Variants in DYNC1LI1 observed in about 807,000 individuals in gnomAD.
The protein encoded by DYNC1LI1 is dynein cytoplasmic 1 light intermediate chain 1, also known as cytoplasmic dynein 1 light intermediate chain 1.
DYNC1LI1 carries 19 observed loss-of-function variants against 63.8 expected under a neutral mutation model. That is an observed-to-expected ratio of 0.30 (90% CI 0.21 to 0.44). The LOEUF is 0.44. Ranked by LOEUF, DYNC1LI1 falls within the 20% of genes least tolerant of loss-of-function variation. DYNC1LI1 has a pLI of 1.00. For synonymous variants in DYNC1LI1, 225 were observed against 232.3 expected (o/e 0.97, Z 0.28); for missense variants, 565 against 630.2 (o/e 0.90, Z 1.11).
chr3:32,539,553 A>T (rs970353195), intron 5 of DYNC1LI1, among the ~76,000 whole-genome samples: 6 of 151,826 alleles, frequency 4.0e-5, no homozygotes, highest in Middle Eastern at 3.4e-3. Flanking sequence ...TATTATTATT[A>T]TTTTGAGATG....
At chr3:32,564,348 AACAC>A (rs898835588) in intron 2 of DYNC1LI1, among the ~76,000 whole-genome samples, 2 of 152,152 alleles carry the variant, frequency 1.3e-5, no homozygotes, top group African/African-American at 4.8e-5. Context: ...CAAACAAACA[AACAC>A]AGAGGTTCAC....
At position 32,526,095 on chromosome 3, in the gene DYNC1LI1, A is replaced by G. The variant is rs975405744; in HGVS notation, c.*704T>C. The G allele has an allele frequency of 3.3e-5, 5 of 152,442 alleles. No individual in the cohort carries two copies. The highest frequency in any genetic ancestry group is 9.7e-5 in the African/African-American group (4 of 41,424). 9.4% of individuals were successfully genotyped at this position (152,442 alleles called of 1,614,324 possible). ...TATATATATATGTATAGACAAATCC[A>G]AAGATTGTTACTTCTTTACATTTTA... On this transcript the variant is annotated 3_prime_UTR_variant, in exon 13 of 13. Transcript: ENST00000273130.
At chr3:32,530,174 CAA>C (rs1313093034) in intron 10 of DYNC1LI1, 108 bp downstream of exon 10, 5 of 887,760 alleles carry the variant, frequency 5.6e-6, no homozygotes, top group African/African-American at 1.7e-5. Context: ...ATTCTGAATT[CAA>C]GTTTATATCA....
intron 7 of DYNC1LI1, 21 bp downstream of exon 7, chr3:32,534,490 T>C: frequency 6.6e-7 from 1 of 1,508,874 alleles, no homozygotes; most frequent in East Asian, 2.3e-5. Context: ...GATAAAATTA[T>C]ATATTTAAGA....
At chr3:32,557,290 T>C (rs550087193) in intron 2 of DYNC1LI1, among the ~76,000 whole-genome samples, 9 of 152,020 alleles carry the variant, frequency 5.9e-5, no homozygotes, top group African/African-American at 2.2e-4. Context: ...CTGAGGTGGG[T>C]GGATCACCTG....
intron 2 of DYNC1LI1, among the ~76,000 whole-genome samples, chr3:32,556,193 C>CCT (rs1333457352): frequency 2.0e-5 from 3 of 152,208 alleles, no homozygotes; most frequent in Non-Finnish European, 4.4e-5. Context: ...CTTCCCTTCC[C>CCT]CTCACCTGGG....
intron 7 of DYNC1LI1, among the ~76,000 whole-genome samples, chr3:32,533,409 A>T (rs183116713): frequency 6.6e-6 from 1 of 152,172 alleles, no homozygotes; most frequent in Non-Finnish European, 1.5e-5. Context: ...CCTGGGAGGC[A>T]GGAGCTGAAG....
intron 5 of DYNC1LI1, 125 bp downstream of exon 5, chr3:32,540,905 AAACTATT>A: frequency 1.7e-6 from 1 of 576,764 alleles, no homozygotes; most frequent in Non-Finnish European, 2.9e-6. Flanking sequence ...TAAATACTTT[AAACTATT>A]ATTTGTTTGT....
chr3:32,569,293 G>A (rs890917755), intron 2 of DYNC1LI1, among the ~76,000 whole-genome samples: 1 of 152,152 alleles, frequency 6.6e-6, no homozygotes, highest in African/African-American at 2.4e-5. Context: ...TTTTCAACTA[G>A]CTCCATGTAG....
At chr3:32,555,834 C>A (rs927977076) in intron 2 of DYNC1LI1, among the ~76,000 whole-genome samples, 2 of 152,182 alleles carry the variant, frequency 1.3e-5, no homozygotes, top group Non-Finnish European at 2.9e-5. Context: ...GAGAGCAGGA[C>A]ACATGTGATA....
chr3:32,533,836 T>G (rs573513216), intron 7 of DYNC1LI1, among the ~76,000 whole-genome samples: 1 of 150,200 alleles, frequency 6.7e-6, no homozygotes, highest in East Asian at 2.0e-4. Context: ...TGCTGGGATT[T>G]TAGGCATGAG....
intron 2 of DYNC1LI1, among the ~76,000 whole-genome samples, chr3:32,568,780 C>T (rs939335981): frequency 6.6e-6 from 1 of 152,142 alleles, no homozygotes; most frequent in East Asian, 1.9e-4. Flanking sequence ...CTTACCTTTA[C>T]CATGACAGTG....
In DYNC1LI1 at chr3:32,570,331, G is replaced by A. The variant is rs1480282334; in HGVS notation, c.220+15C>T. 3.4e-5 allele frequency: 54 copies of A among 1,585,850 alleles called. No individual in the cohort carries two copies. Among genetic ancestry groups the A allele is most frequent in the Non-Finnish European group, 4.3e-5 (50 of 1,165,078 alleles). On this transcript the variant is annotated intron_variant, in intron 2 of 12. Coordinates refer to ENST00000273130, the MANE Select transcript of DYNC1LI1 (RefSeq NM_016141.4). Reference sequence around the variant, plus strand: ...TGGGGGCCGGGCGGGGCGGGGCGAGGCAGGGAACACTTACCCAGCAGTAGC... The same window carrying A: ...TGGGGGCCGGGCGGGGCGGGGCGAGACAGGGAACACTTACCCAGCAGTAGC...
intron 5 of DYNC1LI1, among the ~76,000 whole-genome samples, chr3:32,537,830 A>C (rs1181622291): frequency 2.3e-5 from 3 of 129,542 alleles, no homozygotes; most frequent in Non-Finnish European, 4.7e-5. Flanking sequence ...ATTACACCTA[A>C]TATTAGTTTG....
At chr3:32,540,041 A>AT (rs996371503) in intron 5 of DYNC1LI1, among the ~76,000 whole-genome samples, 24 of 137,772 alleles carry the variant, frequency 1.7e-4, no homozygotes, top group Non-Finnish European at 2.4e-4. Flanking sequence ...ATTTTTTTGT[A>AT]TTTTTTTTTG....
At chr3:32,564,831 C>A (rs1027645510) in intron 2 of DYNC1LI1, among the ~76,000 whole-genome samples, 1 of 152,170 alleles carries the variant, frequency 6.6e-6, no homozygotes, top group Non-Finnish European at 1.5e-5. Flanking sequence ...AGACTGAACA[C>A]TCTCATTATT....
chr3:32,534,449 G>A, intron 7 of DYNC1LI1, 62 bp downstream of exon 7: 1 of 1,242,024 alleles, frequency 8.1e-7, no homozygotes, highest in Non-Finnish European at 1.1e-6. Flanking sequence ...CTGAAATAAT[G>A]ATTCACCATC....
At chr3:32,539,206 A>C (rs1198878470) in intron 5 of DYNC1LI1, among the ~76,000 whole-genome samples, 2 of 152,174 alleles carry the variant, frequency 1.3e-5, no homozygotes, top group African/African-American at 4.8e-5. Context: ...GTAACAATTA[A>C]CTATACCAAA....
At chr3:32,570,583 C>A in intron 1 of DYNC1LI1, 42 bp downstream of exon 1, 1 of 1,542,698 alleles carries the variant, frequency 6.5e-7, no homozygotes, top group Admixed American at 2.0e-5. Context: ...CGCGCAAGGC[C>A]GGGGGAGCCA....
Sources: gnomAD v4.1 joint callset for allele counts (sites outside exome capture counted in the v4.1 genomes callset) on GRCh38, gnomAD v4.1.1 for gene constraint, MANE v1.5 for transcripts, NCBI Gene and HGNC (gene_info 2026-07-23, HGNC 2026-07-21) for gene names.